Variants in SH2B3 observed in about 807,000 individuals in gnomAD.
SH2B3 encodes the protein SH2B adapter protein 3.
Under a neutral mutation model 51.9 loss-of-function variants are expected in SH2B3, and 43 were observed. The observed-to-expected ratio is 0.83, with a 90% CI of 0.65 to 1.07. The LOEUF is 1.07. SH2B3 is among the 50% of genes least tolerant of loss of function. The pLI is 0.00. For synonymous variants in SH2B3, 396 were observed against 376.0 expected (o/e 1.05, Z -0.62); for missense variants, 952 against 834.3 (o/e 1.14, Z -1.74).
At chr12:111,442,976 T>A (rs1873582150) in intron 2 of SH2B3, among the ~76,000 whole-genome samples, 1 of 152,160 alleles carries the variant, frequency 6.6e-6, no homozygotes, top group African/African-American at 2.4e-5. Context: ...CAGGGTGGGG[T>A]GTGGCCCAGT....
chr12:111,446,707 AAG>A, intron 2 of SH2B3, 44 bp from the exon 3 acceptor site: 3 of 1,094,712 alleles, frequency 2.7e-6, no homozygotes, highest in Non-Finnish European at 3.9e-6. Flanking sequence ...GGCTGGAAGA[AAG>A]AGCATCAGGA....
Position 111,447,320 on chromosome 12 carries a change from T to G in SH2B3, c.1022-10T>G. On this transcript the variant is annotated splice_polypyrimidine_tract_variant and intron_variant, in intron 5 of 7. Coordinates refer to ENST00000341259, the MANE Select transcript of SH2B3 (RefSeq NM_005475.3). ...CCCCTGCGACCACCATCACCCATCT[T>G]ATCTAACAGGTGCTTCTCCTGGGGG... 1 of 1,607,682 alleles carries G rather than the reference T, an allele frequency of 6.2e-7. No individual in the cohort carries two copies. The highest frequency in any genetic ancestry group is 8.5e-7 in the Non-Finnish European group (1 of 1,176,046).
rs1443949635 is a variant in SH2B3 at position 111,418,550 on chromosome 12, C to G, written c.405C>G (p.Phe135Leu). Residue 135 changes from phenylalanine to leucine, a missense_variant, in exon 2 of 8, where the codon TTC (phenylalanine) becomes TTG (leucine). Transcript: ENST00000341259. This position sits in a 1 kb window ranked among gnomAD's most constrained non-coding sequence, Gnocchi z 6.7. ...CGCGGCCGCCCGGGCCCTGCTCCTT[C>G]CAGCACTTTCGCCGCAGCCTCCGCC... ...APPRPPGPCS[F>L]QHFRRSLRHI... The G allele has an allele frequency of 1.4e-6, 2 of 1,466,964 alleles. No individual in the cohort carries two copies. Among genetic ancestry groups the G allele is most frequent in the South Asian group, 2.5e-5 (2 of 79,166 alleles). 90.9% of individuals were successfully genotyped at this position (1,466,964 alleles called of 1,614,324 possible).
intron 2 of SH2B3, among the ~76,000 whole-genome samples, chr12:111,436,191 C>T (rs1485298343): frequency 6.6e-6 from 1 of 152,170 alleles, no homozygotes; most frequent in Non-Finnish European, 1.5e-5. Context: ...AGAATGGTGC[C>T]CTGTGCGGAG....
chr12:111,418,126 G>A lies in SH2B3; in HGVS notation c.-20G>A, dbSNP rs1001026927. 1 of 1,477,014 alleles carries A rather than the reference G, an allele frequency of 6.8e-7. No homozygotes were observed. The highest frequency in any genetic ancestry group is 8.9e-7 in the Non-Finnish European group (1 of 1,125,738). The allele number at this position is 1,477,014 out of a possible 1,614,324, so 91.5% of individuals were successfully genotyped here. A position where few individuals can be genotyped will look rare whatever the true frequency, so the allele number is the denominator to read the frequency against. On this transcript the variant is annotated 5_prime_UTR_variant, in exon 2 of 8. Coordinates refer to ENST00000341259, the MANE Select transcript of SH2B3 (RefSeq NM_005475.3). This position sits in a 1 kb window ranked among gnomAD's most constrained non-coding sequence, Gnocchi z 6.7. ...CACCCACGTGTCTTTCAGCCCGGCC[G>A]CACCACCTGGGTCTCCGCCATGAAC... is the stretch of plus-strand genomic sequence containing the variant.
intron 6 of SH2B3, 39 bp downstream of exon 6, chr12:111,447,583 C>A: frequency 6.2e-7 from 1 of 1,605,624 alleles, no homozygotes; most frequent in Non-Finnish European, 8.5e-7. Flanking sequence ...CAGGCAGGAC[C>A]GTGCCACCCC....
At chr12:111,447,075 T>G (rs767228444) in intron 4 of SH2B3, 42 bp downstream of exon 4, 38 of 1,609,294 alleles carry the variant, frequency 2.4e-5, no homozygotes, top group Non-Finnish European at 3.1e-5. Context: ...CCTTTGCTGC[T>G]ACCACCCCTG....
chr12:111,436,668 C>T (rs59037766), intron 2 of SH2B3, among the ~76,000 whole-genome samples: 2,246 of 152,032 alleles, frequency 0.015, 63 homozygotes, highest in African/African-American at 0.051. Flanking sequence ...GGGTGTCTGT[C>T]GCTGTAGGGA....
intron 2 of SH2B3, among the ~76,000 whole-genome samples, chr12:111,431,177 A>G (rs957894535): frequency 2.0e-5 from 3 of 152,140 alleles, no homozygotes; most frequent in Non-Finnish European, 4.4e-5. Flanking sequence ...ACTGGGTGAC[A>G]GTGTACATCG....
In SH2B3 at chr12:111,429,435, A is replaced by T. The variant is rs1466029915; in HGVS notation, c.732+10558A>T. The stretch of plus-strand genomic sequence containing the variant: ...CAACCACCGCCTCCAGGGTTCAAGC[A>T]ATTCTCCTGCCTCAGCCTCCCGAGT... On this transcript the variant is annotated intron_variant, in intron 2 of 7. Coordinates refer to ENST00000341259, the MANE Select transcript of SH2B3 (RefSeq NM_005475.3). The surrounding 1 kb of genome is among the most constrained non-coding windows in gnomAD (Gnocchi z 4.4). Among the ~76,000 whole-genome samples, 1 of 152,034 alleles carries T rather than the reference A, an allele frequency of 6.6e-6. No homozygotes were observed. The highest frequency in any genetic ancestry group is 1.5e-5 in the Non-Finnish European group (1 of 67,986).
In SH2B3 at chr12:111,446,653, C is replaced by T. The variant is rs547973344; in HGVS notation, c.733-100C>T. ...CCCAGCAACACCATGGATACTCTCT[C>T]TAAAAGGGGGACTCCTGGGGAGACT... On this transcript the variant is annotated intron_variant, in intron 2 of 7. Coordinates refer to ENST00000341259, the MANE Select transcript of SH2B3 (RefSeq NM_005475.3). 5 of 672,276 alleles carry T rather than the reference C, an allele frequency of 7.4e-6. No homozygotes were observed. The East Asian group carries it at 1.1e-4, about 15-fold the overall frequency. 41.6% of individuals were successfully genotyped at this position (672,276 alleles called of 1,614,324 possible). A position where few individuals can be genotyped will look rare whatever the true frequency, so the allele number is the denominator to read the frequency against.
At chr12:111,412,124 T>C (rs544516233) in intron 1 of SH2B3, among the ~76,000 whole-genome samples, 10 of 152,330 alleles carry the variant, frequency 6.6e-5, no homozygotes, top group African/African-American at 2.4e-4. Context: ...TCATCATTGC[T>C]TCCTGTCCAC....
intron 1 of SH2B3, among the ~76,000 whole-genome samples, chr12:111,414,214 A>G (rs1370283670): frequency 2.0e-5 from 3 of 152,190 alleles, no homozygotes; most frequent in African/African-American, 7.2e-5. Context: ...CTCCCTTCCC[A>G]TCTGCCTGAC....
rs142759669 is a variant in SH2B3, at chr12:111,451,098, C to A, written c.*2796C>A. The A allele has an allele frequency of 0.011, 1,607 of 152,832 alleles. 93 individuals carry two copies. In the South Asian group the frequency reaches 0.15, roughly 14 times the overall value. 9.5% of individuals were successfully genotyped at this position (152,832 alleles called of 1,614,324 possible). ...ACTTTTACAAACTAACAGTCACCAGCACCAAAGAATTAAGTCAACTAACCT... is the reference window on the plus strand; with the variant it reads ...ACTTTTACAAACTAACAGTCACCAGAACCAAAGAATTAAGTCAACTAACCT... On this transcript the variant is annotated 3_prime_UTR_variant, in exon 8 of 8. Coordinates refer to ENST00000341259, the MANE Select transcript of SH2B3 (RefSeq NM_005475.3).
At chr12:111,441,303 C>A (rs762060585) in intron 2 of SH2B3, among the ~76,000 whole-genome samples, 1 of 151,704 alleles carries the variant, frequency 6.6e-6, no homozygotes, top group Non-Finnish European at 1.5e-5. Context: ...ACTTGAGCCC[C>A]CAGGAGTTTG....
intron 4 of SH2B3, 24 bp downstream of exon 4, chr12:111,447,057 T>G: frequency 6.2e-7 from 1 of 1,609,132 alleles, no homozygotes. Flanking sequence ...CCCTCGTCCC[T>G]GGCACCACCT....
At chr12:111,420,991 G>T (rs1192044795) in intron 2 of SH2B3, among the ~76,000 whole-genome samples, 1 of 152,118 alleles carries the variant, frequency 6.6e-6, no homozygotes, top group Non-Finnish European at 1.5e-5. Flanking sequence ...TGTGTGCAAC[G>T]CAAGTGACCA....
chr12:111,405,940 G>A lies in SH2B3; in HGVS notation c.-365G>A, dbSNP rs992435554. ...TCCTCTTTACATAACGGCGCGGGGC[G>A]GCATGGGCCCGGGCCACCGCCTCCG... On this transcript the variant is annotated 5_prime_UTR_variant, in exon 1 of 8. Coordinates refer to ENST00000341259, the MANE Select transcript of SH2B3 (RefSeq NM_005475.3). The surrounding 1 kb of genome is among the most constrained non-coding windows in gnomAD (Gnocchi z 5.4). 2 of 151,702 alleles carry A rather than the reference G, an allele frequency of 1.3e-5. No homozygotes were observed. Among genetic ancestry groups the A allele is most frequent in the African/African-American group, 4.8e-5 (2 of 41,386 alleles). 9.4% of individuals were successfully genotyped at this position (151,702 alleles called of 1,614,324 possible). A position where few individuals can be genotyped will look rare whatever the true frequency, so the allele number is the denominator to read the frequency against.
chr12:111,420,757 G>A (rs1871483464), intron 2 of SH2B3, among the ~76,000 whole-genome samples: 1 of 152,202 alleles, frequency 6.6e-6, no homozygotes, highest in African/African-American at 2.4e-5. Flanking sequence ...CCACAGATGA[G>A]CATGGAATTA....
Sources: allele counts gnomAD v4.1 joint callset (sites outside exome capture counted in the v4.1 genomes callset), GRCh38; gene constraint gnomAD v4.1.1; non-coding constraint Gnocchi (gnomAD v3.1); transcripts MANE v1.5; gene names NCBI Gene and HGNC (gene_info 2026-07-23, HGNC 2026-07-21).